Variants in RBFOX3 observed in about 807,000 individuals in gnomAD.
The protein encoded by RBFOX3 is RNA binding protein fox-1 homolog 3.
RBFOX3 carries 17 observed loss-of-function variants against 48.7 expected under a neutral mutation model. The ratio of observed to expected loss-of-function variants is 0.35; its 90% CI spans 0.24 to 0.52. The LOEUF (loss-of-function observed/expected upper bound fraction) is 0.52, where lower values mean the gene tolerates loss of function less well. RBFOX3 is among the 20% of genes least tolerant of loss of function. RBFOX3 has a pLI of 0.94. For synonymous variants in RBFOX3, 212 were observed against 209.5 expected, an observed-to-expected ratio of 1.01 and a Z score of -0.10; for missense variants, 382 against 497.5, an observed-to-expected ratio of 0.77 and a Z score of 2.21.
rs1290608492 is a variant in RBFOX3, at chr17:79,362,225, A to T, written c.-174-54401T>A. Among the ~76,000 whole-genome samples the T allele has an allele frequency of 1.3e-5, 2 of 152,346 alleles. No individual in the cohort carries two copies. The highest frequency in any genetic ancestry group is 4.8e-5 in the African/African-American group (2 of 41,580). On this transcript the variant is annotated intron_variant, in intron 2 of 14. Transcript: ENST00000693108. This position sits in a 1 kb window ranked among gnomAD's most constrained non-coding sequence, Gnocchi z 4.2. ...TCTTTCAGCCTGAGGTGAGCGCCCC[A>T]GAGAGCTTCCCAGGTTCTCAGATAT...
chr17:79,487,189 A>C (rs1045666566), intron 1 of RBFOX3, among the ~76,000 whole-genome samples: 48 of 152,184 alleles, frequency 3.2e-4, no homozygotes, highest in Non-Finnish European at 7.3e-5. Context: ...GGTGAGGCAC[A>C]CAAGGTAGCT....
intron 3 of RBFOX3, among the ~76,000 whole-genome samples, chr17:79,292,965 C>T (rs573873995): frequency 1.3e-5 from 2 of 152,028 alleles, no homozygotes; most frequent in Non-Finnish European, 2.9e-5. Flanking sequence ...TTATACCTGC[C>T]CCCACCTTCC....
chr17:79,237,105 C>A (rs1223817578), intron 3 of RBFOX3, among the ~76,000 whole-genome samples: 2 of 152,176 alleles, frequency 1.3e-5, no homozygotes, highest in African/African-American at 4.8e-5. Context: ...ATATCCATAC[C>A]TGTTAAGATG....
chr17:79,222,863 T>C (rs1474884534), intron 4 of RBFOX3, among the ~76,000 whole-genome samples: 1 of 152,188 alleles, frequency 6.6e-6, no homozygotes, highest in Admixed American at 6.5e-5. Context: ...TGGGTTGCTC[T>C]TTGGGGAGCA....
intron 4 of RBFOX3, among the ~76,000 whole-genome samples, chr17:79,176,078 A>T (rs960982059): frequency 6.6e-6 from 1 of 152,168 alleles, no homozygotes; most frequent in Non-Finnish European, 1.5e-5. Flanking sequence ...CTCAGGGCCT[A>T]CTGTGGTGCT....
intron 1 of RBFOX3, among the ~76,000 whole-genome samples, chr17:79,527,026 C>CATCT (rs2086889181): frequency 6.6e-6 from 1 of 152,182 alleles, no homozygotes; most frequent in African/African-American, 2.4e-5. Context: ...CCAGGTCAGG[C>CATCT]ATCTGCCTCT....
At chr17:79,257,859 G>T (rs2065133777) in intron 3 of RBFOX3, among the ~76,000 whole-genome samples, 1 of 152,134 alleles carries the variant, frequency 6.6e-6, no homozygotes. Flanking sequence ...GGGATTACAG[G>T]TGTGAGCCAC....
At position 79,479,655 on chromosome 17, in the gene RBFOX3, G is replaced by A. The variant is rs1289566446; in HGVS notation, c.-175+2799C>T. ...CCCACCAACCCTGGACTTCCCAGACGCTCCCTCGGGGGTGGGCTGGTCTTG... is the reference window on the plus strand; with the variant it reads ...CCCACCAACCCTGGACTTCCCAGACACTCCCTCGGGGGTGGGCTGGTCTTG... On this transcript the variant is annotated intron_variant, in intron 2 of 14. Coordinates refer to ENST00000693108, the MANE Select transcript of RBFOX3 (RefSeq NM_001350451.2). This position sits in a 1 kb window ranked among gnomAD's most constrained non-coding sequence, Gnocchi z 5.1. Among the ~76,000 whole-genome samples the A allele has an allele frequency of 1.3e-5, 2 of 152,206 alleles. No homozygotes were observed. The highest frequency in any genetic ancestry group is 2.1e-4 in the South Asian group (1 of 4,830).
In RBFOX3 at chr17:79,247,743, A is replaced by C. The variant is rs566980860; in HGVS notation, c.-73-11938T>G. Among the ~76,000 whole-genome samples the C allele has an allele frequency of 8.0e-3, 1,218 of 152,278 alleles. 22 individuals carry two copies. Among genetic ancestry groups the C allele is most frequent in the African/African-American group, 0.028 (1,145 of 41,554 alleles). ...CCACTCTTCCAGCTCCAGAGAAGAG[A>C]AGGCAAGGCAGGACCCTGGCTGTGC... is the stretch of plus-strand genomic sequence containing the variant. On this transcript the variant is annotated intron_variant, in intron 3 of 14. Coordinates refer to ENST00000693108, the MANE Select transcript of RBFOX3 (RefSeq NM_001350451.2).
intron 1 of RBFOX3, among the ~76,000 whole-genome samples, chr17:79,565,242 C>G (rs991873469): frequency 0.51 from 77,642 of 151,850 alleles, 21,386 homozygotes; most frequent in South Asian, 0.66. Context: ...GTTCCCATCT[C>G]TACCCTCTTC....
At chr17:79,631,550 G>A in the RBFOX3 span, among the ~76,000 whole-genome samples, 2 of 152,162 alleles carry the variant, frequency 1.3e-5, no homozygotes, top group Non-Finnish European at 2.9e-5. Context: ...GGACCGGCCA[G>A]GGCTGACCAC....
At position 79,114,105 on chromosome 17, in the gene RBFOX3, C is replaced by T. The variant is rs576463055; in HGVS notation, c.222+1389G>A. Among the ~76,000 whole-genome samples, 22 of 152,304 alleles carry T rather than the reference C, an allele frequency of 1.4e-4. 1 individual carries two copies. The South Asian group carries it at 4.4e-3, about 30-fold the overall frequency. On this transcript the variant is annotated intron_variant, in intron 5 of 14. Transcript: ENST00000693108. ...GCTGTCAGAGGTTTGAGCAGATAAG[C>T]TGTGTCTACTGGAGTCAGTCAGAAG...
chr17:79,320,432 C>G (rs2078341244), intron 2 of RBFOX3, among the ~76,000 whole-genome samples: 1 of 152,216 alleles, frequency 6.6e-6, no homozygotes. Flanking sequence ...GGAGAATGCC[C>G]ATCTGGTCAT....
At chr17:79,620,201 G>A in the RBFOX3 span, among the ~76,000 whole-genome samples, 177 of 127,944 alleles carry the variant, frequency 1.4e-3, 2 homozygotes, top group African/African-American at 4.7e-3. Flanking sequence ...ATGCACACAC[G>A]TGCACATGCA....
intron 2 of RBFOX3, among the ~76,000 whole-genome samples, chr17:79,448,067 C>T (rs1309244606): frequency 1.3e-5 from 2 of 152,196 alleles, no homozygotes; most frequent in African/African-American, 4.8e-5. Context: ...TTTCCTGAGG[C>T]CTCCCAGCCA....
In RBFOX3 at chr17:79,103,344, G is replaced by C. The variant is rs868211126; in HGVS notation, c.415-90C>G. Reference sequence around the variant, plus strand: ...AGACGAGGAAGAAGAGGAGTGGGAGGGGGGCAGGGGAGTGGGGAGAGAGAG... The same window carrying C: ...AGACGAGGAAGAAGAGGAGTGGGAGCGGGGCAGGGGAGTGGGGAGAGAGAG... On this transcript the variant is annotated intron_variant, in intron 7 of 14. Transcript: ENST00000693108. This position sits in a 1 kb window ranked among gnomAD's most constrained non-coding sequence, Gnocchi z 6.1. 4 of 835,202 alleles carry C rather than the reference G, an allele frequency of 4.8e-6. No individual in the cohort carries two copies. Among genetic ancestry groups the C allele is most frequent in the Non-Finnish European group, 7.9e-6 (4 of 504,140 alleles). The allele number at this position is 835,202 out of a possible 1,614,324, so 51.7% of individuals were successfully genotyped here. A position where few individuals can be genotyped will look rare whatever the true frequency, so the allele number is the denominator to read the frequency against.
upstream of RBFOX3, among the ~76,000 whole-genome samples, chr17:79,614,110 G>A (rs958755380): frequency 4.6e-5 from 7 of 152,226 alleles, no homozygotes; most frequent in African/African-American, 7.2e-5. Context: ...GCTGAGTCTC[G>A]GCCCAGAGGC....
intron 5 of RBFOX3, among the ~76,000 whole-genome samples, 160 bp from the exon 6 acceptor site, chr17:79,106,948 G>A (rs149419470): frequency 1.3e-5 from 2 of 152,100 alleles, no homozygotes; most frequent in East Asian, 1.9e-4. Context: ...CTGGGCAGAC[G>A]GTTCCCATGA....
At chr17:79,599,939 A>G (rs1228407476) in intron 1 of RBFOX3, 9 of 152,292 alleles carry the variant, frequency 5.9e-5, no homozygotes, top group Non-Finnish European at 8.8e-5. Flanking sequence ...CATATCATCA[A>G]TTAGCCAGTG....
Sources: allele counts gnomAD v4.1 joint callset (sites outside exome capture counted in the v4.1 genomes callset), GRCh38; gene constraint gnomAD v4.1.1; non-coding constraint Gnocchi (gnomAD v3.1); transcripts MANE v1.5; gene names NCBI Gene and HGNC (gene_info 2026-07-23, HGNC 2026-07-21).